NPAS3: variants seen among roughly 807,000 people sequenced by gnomAD.
NPAS3 encodes neuronal PAS domain protein 3, also known as neuronal PAS domain-containing protein 3.
In NPAS3, 14 loss-of-function variants were observed where a neutral mutation model predicts 73.1. The observed-to-expected ratio is 0.19, with a 90% CI of 0.13 to 0.30. The LOEUF (loss-of-function observed/expected upper bound fraction) is 0.30. Ranked by LOEUF, NPAS3 falls within the 10% of genes least tolerant of loss-of-function variation. NPAS3 has a pLI of 1.00. For missense variants in NPAS3, 1,096 were observed against 1,250.0 expected, an observed-to-expected ratio of 0.88 and a Z score of 1.86; for synonymous variants, 620 against 541.5, an observed-to-expected ratio of 1.14 and a Z score of -2.01.
chr14:33,540,211 C>T (rs958234173), intron 4 of NPAS3, among the ~76,000 whole-genome samples: 2 of 152,180 alleles, frequency 1.3e-5, no homozygotes, highest in Non-Finnish European at 2.9e-5. Flanking sequence ...TTTCCTTTCT[C>T]TGTATTTAAT....
chr14:33,676,454 C>G, intron 6 of NPAS3, 69 bp downstream of exon 6: 1 of 1,365,030 alleles, frequency 7.3e-7, no homozygotes, highest in Non-Finnish European at 9.8e-7. Context: ...GCTCAAGTTA[C>G]CCATGTGAAG....
chr14:33,268,993 T>C (rs2040949898), intron 3 of NPAS3, among the ~76,000 whole-genome samples: 1 of 152,148 alleles, frequency 6.6e-6, no homozygotes, highest in Admixed American at 6.5e-5. Flanking sequence ...AATGCTTTCT[T>C]GAAGTATGGC....
intron 3 of NPAS3, among the ~76,000 whole-genome samples, chr14:33,240,882 T>A (rs1368580255): frequency 6.6e-6 from 1 of 151,876 alleles, no homozygotes; most frequent in Non-Finnish European, 1.5e-5. Context: ...TTTGTGTTCT[T>A]TTTCATTTTT....
intron 9 of NPAS3, among the ~76,000 whole-genome samples, chr14:33,788,574 AACTC>A (rs902132149): frequency 4.6e-5 from 7 of 152,170 alleles, no homozygotes; most frequent in Non-Finnish European, 1.0e-4. Flanking sequence ...TGACACAACT[AACTC>A]ACTATTTAGA....
At chr14:32,973,053 T>C (rs1953447) in intron 1 of NPAS3, among the ~76,000 whole-genome samples, 94,928 of 152,038 alleles carry the variant, frequency 0.62, 30,381 homozygotes, top group East Asian at 0.8. Flanking sequence ...GAGTTTTGCA[T>C]TGACTGTTAG....
intron 3 of NPAS3, among the ~76,000 whole-genome samples, chr14:33,307,579 CA>C (rs1264379815): frequency 1.7e-5 from 1 of 58,412 alleles, no homozygotes; most frequent in African/African-American, 6.7e-5. Context: ...TTCACCTCAC[CA>C]GGTTTTTTTT....
intron 1 of NPAS3, among the ~76,000 whole-genome samples, chr14:32,979,726 A>G (rs1191510426): frequency 1.3e-5 from 2 of 151,776 alleles, no homozygotes; most frequent in African/African-American, 4.9e-5. Flanking sequence ...CATTTTCCCA[A>G]ACTTCTCTTT....
chr14:33,411,490 A>C (rs2047926352), intron 4 of NPAS3, among the ~76,000 whole-genome samples: 1 of 152,088 alleles, frequency 6.6e-6, no homozygotes, highest in Non-Finnish European at 1.5e-5. Context: ...GCCTGGAGGC[A>C]TTTTTGTTTG....
At position 33,800,635 on chromosome 14, in the gene NPAS3, C is replaced by G. The variant is rs1428018759; in HGVS notation, c.2328C>G (p.Gly776=). 6 of 1,394,602 alleles carry G rather than the reference C, an allele frequency of 4.3e-6. No homozygotes were observed. The highest frequency in any genetic ancestry group is 7.6e-5 in the Admixed American group (2 of 26,176). 86.4% of individuals were successfully genotyped at this position (1,394,602 alleles called of 1,614,324 possible). A position where few individuals can be genotyped will look rare whatever the true frequency, so the allele number is the denominator to read the frequency against. The change falls in exon 12 of 12, where the codon GGC becomes GGG. Residue 776 remains glycine, a synonymous_variant. Coordinates refer to ENST00000356141, the Ensembl canonical transcript of NPAS3. This position sits in a 1 kb window ranked among gnomAD's most constrained non-coding sequence, Gnocchi z 6.5. ...GCGGGGGCGGCGGCGCGGGGGGCGG[C>G]GGCCCCAGCGCGTCCAACTCCTTGC... is the stretch of plus-strand genomic sequence containing the variant.
intron 4 of NPAS3, among the ~76,000 whole-genome samples, chr14:33,434,764 G>A (rs2048917471): frequency 6.6e-6 from 1 of 152,140 alleles, no homozygotes; most frequent in African/African-American, 2.4e-5. Flanking sequence ...AATATAGTAC[G>A]AGTTGAATAA....
intron 7 of NPAS3, among the ~76,000 whole-genome samples, chr14:33,738,644 C>G (rs748181576): frequency 6.6e-6 from 1 of 152,194 alleles, no homozygotes; most frequent in Non-Finnish European, 1.5e-5. Flanking sequence ...GAAAGTCGCC[C>G]TCTCTCCAGT....
chr14:32,938,842 C>A (rs1459916794), upstream of NPAS3, among the ~76,000 whole-genome samples: 3 of 146,468 alleles, frequency 2.0e-5, no homozygotes, highest in African/African-American at 7.4e-5. Context: ...CCCCCGCCGC[C>A]GCCGCCGCCT....
chr14:33,101,396 A>C (rs2042572990), intron 2 of NPAS3, among the ~76,000 whole-genome samples: 1 of 152,236 alleles, frequency 6.6e-6, no homozygotes, highest in Non-Finnish European at 1.5e-5. Context: ...GGATATGTTC[A>C]GATGGCAACA....
intron 3 of NPAS3, among the ~76,000 whole-genome samples, chr14:33,261,251 A>G (rs2048965992): frequency 6.6e-6 from 1 of 152,070 alleles, no homozygotes; most frequent in Non-Finnish European, 1.5e-5. Flanking sequence ...AAAAGAATTT[A>G]ATCAAATGGA....
chr14:33,124,534 T>C (rs1358550911), intron 2 of NPAS3, among the ~76,000 whole-genome samples: 1 of 152,128 alleles, frequency 6.6e-6, no homozygotes, highest in Non-Finnish European at 1.5e-5. Context: ...TAGAACAATA[T>C]TTGGCATGTC....
At chr14:33,088,104 G>C (rs934849450) in intron 2 of NPAS3, among the ~76,000 whole-genome samples, 1 of 152,212 alleles carries the variant, frequency 6.6e-6, no homozygotes, top group African/African-American at 2.4e-5. Flanking sequence ...ACAGTTCCTA[G>C]TGTGAGCGAC....
intron 3 of NPAS3, among the ~76,000 whole-genome samples, chr14:33,321,199 C>A (rs2043431205): frequency 6.6e-6 from 1 of 152,062 alleles, no homozygotes; most frequent in Non-Finnish European, 1.5e-5. Flanking sequence ...GAATATCAAC[C>A]AATGATTAGA....
intron 2 of NPAS3, among the ~76,000 whole-genome samples, chr14:33,171,670 A>G (rs1198066265): frequency 6.6e-6 from 1 of 152,194 alleles, no homozygotes; most frequent in Non-Finnish European, 1.5e-5. Context: ...CCTGTCAGCA[A>G]TAAGCCTCTT....
intron 4 of NPAS3, among the ~76,000 whole-genome samples, chr14:33,393,723 A>G (rs1475241376): frequency 1.3e-5 from 2 of 152,134 alleles, no homozygotes; most frequent in Admixed American, 6.6e-5. Context: ...CTGTTGGCTC[A>G]GTTCATGATA....
Sources: gnomAD v4.1 joint callset for allele counts (sites outside exome capture counted in the v4.1 genomes callset) on GRCh38, gnomAD v4.1.1 for gene constraint, Gnocchi (gnomAD v3.1) non-coding constraint, MANE v1.5 for transcripts, NCBI Gene and HGNC (gene_info 2026-07-23, HGNC 2026-07-21) for gene names.